The following MCOLN2 variants were observed in gnomAD, a reference collection of about 807,000 sequenced individuals.
MCOLN2 encodes the protein mucolipin-2.
Under a neutral mutation model 67.5 loss-of-function variants are expected in MCOLN2, and 57 were observed. The ratio of observed to expected loss-of-function variants is 0.84; its 90% CI spans 0.68 to 1.05. The LOEUF is 1.05. Among genes scored for constraint, MCOLN2 ranks in the 50% least tolerant of loss-of-function variants. MCOLN2 has a pLI of 0.00. For synonymous variants in MCOLN2, 246 were observed against 233.3 expected (o/e 1.05, Z -0.50); for missense variants, 620 against 678.8 (o/e 0.91, Z 0.96).
intron 6 of MCOLN2, among the ~76,000 whole-genome samples, chr1:84,951,612 C>T (rs1296008312): frequency 1.3e-5 from 2 of 152,200 alleles, no homozygotes; most frequent in Middle Eastern, 3.2e-3. Context: ...GGGAAGAACA[C>T]TATAGACATG....
intron 1 of MCOLN2, among the ~76,000 whole-genome samples, chr1:84,984,256 G>A (rs551306936): frequency 6.6e-6 from 1 of 152,056 alleles, no homozygotes; most frequent in African/African-American, 2.4e-5. Context: ...GGAATTAACT[G>A]CCCTTTTCCC....
At chr1:84,947,500 T>C (rs1315441793) in intron 6 of MCOLN2, among the ~76,000 whole-genome samples, 3 of 152,132 alleles carry the variant, frequency 2.0e-5, no homozygotes, top group African/African-American at 7.2e-5. Flanking sequence ...CCAGCCAGGA[T>C]CAGCTTAGAG....
intron 1 of MCOLN2, among the ~76,000 whole-genome samples, chr1:84,976,175 T>C (rs1327566670): frequency 6.6e-6 from 1 of 152,012 alleles, no homozygotes; most frequent in Non-Finnish European, 1.5e-5. Flanking sequence ...AATATCCAAA[T>C]ACAAGAAGGT....
chr1:84,946,605 T>G (rs1648124843), intron 7 of MCOLN2, among the ~76,000 whole-genome samples: 1 of 152,220 alleles, frequency 6.6e-6, no homozygotes, highest in South Asian at 2.1e-4. Context: ...TCCTTTGAGC[T>G]TTGGTCATGT....
chr1:84,949,879 A>G (rs1475685565), intron 6 of MCOLN2, among the ~76,000 whole-genome samples: 1 of 152,214 alleles, frequency 6.6e-6, no homozygotes, highest in Non-Finnish European at 1.5e-5. Flanking sequence ...CTCCCCAGAC[A>G]AGCAAAAGCT....
chr1:84,977,665 AG>A (rs2102874292), intron 1 of MCOLN2, among the ~76,000 whole-genome samples: 1 of 152,298 alleles, frequency 6.6e-6, no homozygotes, highest in South Asian at 2.1e-4. Flanking sequence ...ATAATGATAA[AG>A]GGGTCAATTC....
intron 1 of MCOLN2, among the ~76,000 whole-genome samples, chr1:84,974,579 C>T (rs557689186): frequency 2.6e-5 from 4 of 152,038 alleles, no homozygotes; most frequent in African/African-American, 9.7e-5. Context: ...CCATTCCTGG[C>T]AGCATTCATC....
intron 2 of MCOLN2, among the ~76,000 whole-genome samples, chr1:84,963,280 T>C (rs1649190581): frequency 6.6e-6 from 1 of 152,218 alleles, no homozygotes; most frequent in Non-Finnish European, 1.5e-5. Context: ...AACACTAAGC[T>C]AACTGTTAGC....
chr1:84,973,686 C>T (rs145005856), intron 1 of MCOLN2, among the ~76,000 whole-genome samples: 13 of 152,106 alleles, frequency 8.5e-5, no homozygotes, highest in South Asian at 4.2e-4. Context: ...ATAACCCTTG[C>T]GAAATAGGCA....
intron 1 of MCOLN2, among the ~76,000 whole-genome samples, chr1:84,989,380 G>T (rs1650772165): frequency 6.6e-6 from 1 of 152,116 alleles, no homozygotes; most frequent in Non-Finnish European, 1.5e-5. Context: ...ACTTAGTCAA[G>T]ATACATTAGC....
intron 2 of MCOLN2, among the ~76,000 whole-genome samples, chr1:84,960,373 A>AT (rs1649024352): frequency 6.6e-6 from 1 of 152,224 alleles, no homozygotes; most frequent in Non-Finnish European, 1.5e-5. Flanking sequence ...GTGTTATGCT[A>AT]TAAAAACAAC....
intron 13 of MCOLN2, among the ~76,000 whole-genome samples, chr1:84,928,050 G>A (rs1661241017): frequency 6.6e-6 from 1 of 152,008 alleles, no homozygotes; most frequent in African/African-American, 2.4e-5. Flanking sequence ...CACTCTGCAG[G>A]GTCCATGCAA....
In MCOLN2 at chr1:84,926,977, G is replaced by A. The variant is rs181360878; in HGVS notation, c.1665-256C>T. Among the ~76,000 whole-genome samples, 27 of 151,416 alleles carry A rather than the reference G, an allele frequency of 1.8e-4. 1 individual carries two copies. The highest frequency in any genetic ancestry group is 1.3e-3 in the Admixed American group (19 of 15,148). ...GATGCTTTTGGAAACACTGTGAGGA[G>A]TCACCTGTCTCTTAAGAACCTCCAT... On this transcript the variant is annotated intron_variant, in intron 13 of 13. Transcript: ENST00000370608.
chr1:84,946,976 A>T (rs908930782), intron 7 of MCOLN2, 57 bp downstream of exon 7: 12 of 864,912 alleles, frequency 1.4e-5, no homozygotes, highest in Non-Finnish European at 2.1e-5. Context: ...CCAAGCCACA[A>T]AATAAAGTGT....
chr1:84,960,343 G>T (rs1195147708), intron 2 of MCOLN2, among the ~76,000 whole-genome samples: 1 of 152,182 alleles, frequency 6.6e-6, no homozygotes, highest in East Asian at 1.9e-4. Flanking sequence ...TGGAAGCCAA[G>T]TCTAATTCCA....
At chr1:84,935,291 A>G (rs1647358881) in intron 11 of MCOLN2, among the ~76,000 whole-genome samples, 1 of 152,194 alleles carries the variant, frequency 6.6e-6, no homozygotes, top group South Asian at 2.1e-4. Flanking sequence ...CAGTGAATTA[A>G]CTCAGCTGTG....
intron 4 of MCOLN2, among the ~76,000 whole-genome samples, 160 bp from the exon 5 acceptor site, chr1:84,952,690 C>A (rs922909839): frequency 6.6e-6 from 1 of 152,210 alleles, no homozygotes; most frequent in African/African-American, 2.4e-5. Flanking sequence ...AGTAACCTCA[C>A]AGACACCTGT....
chr1:84,948,375 G>A (rs1387229536), intron 6 of MCOLN2, among the ~76,000 whole-genome samples: 1 of 152,160 alleles, frequency 6.6e-6, no homozygotes, highest in East Asian at 1.9e-4. Flanking sequence ...CCATACTACT[G>A]AGTCTGCCCA....
intron 2 of MCOLN2, among the ~76,000 whole-genome samples, chr1:84,962,534 C>T (rs2102853626): frequency 6.6e-6 from 1 of 152,198 alleles, no homozygotes; most frequent in African/African-American, 2.4e-5. Context: ...CACAGAGAGA[C>T]CTCATCTTGA....
Sources: gnomAD v4.1 joint callset for allele counts (sites outside exome capture counted in the v4.1 genomes callset) on GRCh38, gnomAD v4.1.1 for gene constraint, MANE v1.5 for transcripts, NCBI Gene and HGNC (gene_info 2026-07-23, HGNC 2026-07-21) for gene names.